DCC: variants seen among roughly 807,000 people sequenced by gnomAD.
The protein encoded by DCC is netrin receptor DCC.
A neutral mutation model predicts 172.5 loss-of-function variants in DCC; 58 were observed. The ratio of observed to expected loss-of-function variants is 0.34; its 90% CI spans 0.27 to 0.42. The LOEUF is 0.42. Ranked by LOEUF, DCC falls within the 10% of genes least tolerant of loss-of-function variation. The pLI, the probability that DCC is intolerant of heterozygous loss-of-function variation, is 1.00. For synonymous variants in DCC, 709 were observed against 644.5 expected (o/e 1.10, Z -1.52); for missense variants, 1,740 against 1,791.0 (o/e 0.97, Z 0.51).
intron 11 of DCC, among the ~76,000 whole-genome samples, chr18:53,209,531 A>G (rs1316523575): frequency 6.6e-6 from 1 of 152,210 alleles, no homozygotes; most frequent in Non-Finnish European, 1.5e-5. Context: ...TGTACATTTC[A>G]CACAATATCA....
chr18:53,486,895 C>G lies in DCC; in HGVS notation c.3835C>G (p.Leu1279Val). The G allele has an allele frequency of 6.2e-7, 1 of 1,614,206 alleles. No homozygotes were observed. Among genetic ancestry groups the G allele is most frequent in the South Asian group, 1.1e-5 (1 of 91,086 alleles). Residue 1279 changes from leucine to valine, a missense_variant, in exon 26 of 29, where the codon CTC (leucine) becomes GTC (valine). By Grantham distance (32) the Leu-to-Val change is conservative (BLOSUM62 1). Around this residue, in one of 2 missense-constraint regions of DCC, gnomAD observed 1,732 missense variants for 1,767.4 expected, o/e 0.98. Transcript: ENST00000442544. Reference protein sequence around the residue: ...TCGYPHPQFTLRPVPFPTLSV... With the variant: ...TCGYPHPQFTVRPVPFPTLSV... ...TGGATATCCCCACCCGCAGTTCACT[C>G]TCCGGCCTGTGCCATTCCCAACACT... is the stretch of plus-strand genomic sequence containing the variant.
intron 26 of DCC, among the ~76,000 whole-genome samples, chr18:53,489,066 GA>G (rs1474066405): frequency 0.013 from 1,776 of 133,064 alleles, 37 homozygotes; most frequent in African/African-American, 0.044. Flanking sequence ...GGCTGAGGCA[GA>G]AAAAAAAAAA....
intron 7 of DCC, among the ~76,000 whole-genome samples, chr18:53,154,676 G>A (rs756613558): frequency 4.5e-4 from 68 of 152,108 alleles, no homozygotes; most frequent in Non-Finnish European, 1.6e-4. Flanking sequence ...TTAATGAGAT[G>A]TTCAGGAGCG....
chr18:52,517,925 C>G (rs918672027), intron 1 of DCC, among the ~76,000 whole-genome samples: 2 of 152,106 alleles, frequency 1.3e-5, no homozygotes, highest in African/African-American at 4.8e-5. Flanking sequence ...GCATATTATT[C>G]TTTTAAATTA....
At chr18:52,345,898 TAAGA>T (rs1359166440) in intron 1 of DCC, among the ~76,000 whole-genome samples, 2 of 152,220 alleles carry the variant, frequency 1.3e-5, no homozygotes, top group African/African-American at 4.8e-5. Flanking sequence ...TCACAATCTT[TAAGA>T]GAGACAGGAG....
At position 52,557,851 on chromosome 18, in the gene DCC, G is replaced by A. The variant is rs550581793; in HGVS notation, c.92-194203G>A. 1.1e-4 allele frequency among the ~76,000 whole-genome samples: 17 copies of A among 152,244 alleles called. No individual in the cohort carries two copies. In the East Asian group the frequency reaches 3.3e-3, roughly 29 times the overall value. ...ATTTTGGTATTTTTGGTAGAGACTG[G>A]TTTTAGCCATGTTGGCTAGACTGGT... On this transcript the variant is annotated intron_variant, in intron 1 of 28. Coordinates refer to ENST00000442544, the MANE Select transcript of DCC (RefSeq NM_005215.4).
chr18:53,150,849 C>A (rs962324271), intron 7 of DCC, among the ~76,000 whole-genome samples: 1 of 152,336 alleles, frequency 6.6e-6, no homozygotes, highest in Non-Finnish European at 1.5e-5. Flanking sequence ...TCTCTGCACA[C>A]TCCTGAAACC....
At position 52,925,283 on chromosome 18, in the gene DCC, G is replaced by T. The variant is rs758939946; in HGVS notation, c.898G>T (p.Val300Leu). ...LGGSNLLISN[V>L]TDDDSGMYTC... ...TGGAAGCAACTTGCTTATCTCCAAT[G>T]TGACAGATGATGACAGTGGAATGTA... The change falls in exon 5 of 29, where the codon GTG becomes TTG. Residue 300 changes from valine to leucine, a missense_variant. Physicochemically the swap from Val to Leu is conservative, Grantham distance 32 (BLOSUM62 1). This residue lies in a region of DCC where 1,732 missense variants were observed against 1,767.4 expected (regional missense o/e 0.98). Coordinates refer to ENST00000442544, the MANE Select transcript of DCC (RefSeq NM_005215.4). The T allele has an allele frequency of 4.3e-6, 7 of 1,612,562 alleles. No homozygotes were observed. In the South Asian group the frequency reaches 4.4e-5, roughly 10 times the overall value.
At chr18:53,302,054 T>A (rs954590156) in intron 12 of DCC, among the ~76,000 whole-genome samples, 1 of 152,218 alleles carries the variant, frequency 6.6e-6, no homozygotes, top group African/African-American at 2.4e-5. Context: ...CTTCTTCTTG[T>A]GTCTTCACGT....
chr18:52,452,532 A>G (rs1238488119), intron 1 of DCC, among the ~76,000 whole-genome samples: 1 of 152,162 alleles, frequency 6.6e-6, no homozygotes, highest in Admixed American at 6.5e-5. Context: ...ACTCAGACTT[A>G]GCAAAACAGG....
At chr18:52,608,450 C>T (rs12455137) in intron 1 of DCC, among the ~76,000 whole-genome samples, 12,828 of 152,202 alleles carry the variant, frequency 0.084, 853 homozygotes, top group East Asian at 0.39. Context: ...AGAAGACGCT[C>T]TCTGAACCAA....
chr18:53,346,553 C>CAAT (rs1470392389), intron 15 of DCC, among the ~76,000 whole-genome samples: 2 of 151,700 alleles, frequency 1.3e-5, no homozygotes, highest in African/African-American at 4.8e-5. Flanking sequence ...TCCTTCATTA[C>CAAT]CTCTATCTCA....
intron 7 of DCC, among the ~76,000 whole-genome samples, chr18:53,102,508 G>T (rs1225321689): frequency 6.6e-6 from 1 of 151,964 alleles, no homozygotes; most frequent in African/African-American, 2.4e-5. Flanking sequence ...CTAATTTTTT[G>T]ATGTATATGT....
chr18:53,502,853 A>ATTTAT (rs1231665948), intron 27 of DCC, among the ~76,000 whole-genome samples: 1 of 151,430 alleles, frequency 6.6e-6, no homozygotes, highest in African/African-American at 2.4e-5. Flanking sequence ...TTTTTTTTAA[A>ATTTAT]TTTATTTTAT....
intron 1 of DCC, among the ~76,000 whole-genome samples, chr18:52,354,232 G>A (rs575768246): frequency 6.6e-6 from 1 of 152,258 alleles, no homozygotes; most frequent in Non-Finnish European, 1.5e-5. Flanking sequence ...AACTGGAATA[G>A]TTTGTCACTC....
Position 52,867,481 on chromosome 18 carries a change from A to T in DCC, c.413-38563A>T, listed in dbSNP as rs576045294. Among the ~76,000 whole-genome samples the T allele has an allele frequency of 5.3e-5, 8 of 151,610 alleles. No homozygotes were observed. In the East Asian group the frequency reaches 1.5e-3, roughly 29 times the overall value. The stretch of plus-strand genomic sequence containing the variant: ...ACCAGCTCCTCTTTTTACCTCTGGT[A>T]GAATTTGGCTGTGAATCCTCCTGGT... On this transcript the variant is annotated intron_variant, in intron 2 of 28. Transcript: ENST00000442544.
chr18:53,357,324 C>T (rs750510556), intron 15 of DCC, among the ~76,000 whole-genome samples: 2 of 151,994 alleles, frequency 1.3e-5, no homozygotes, highest in Non-Finnish European at 2.9e-5. Context: ...GAGAAATGAA[C>T]CTTTATAACT....
intron 5 of DCC, among the ~76,000 whole-genome samples, chr18:52,984,053 G>A (rs1421484020): frequency 6.6e-6 from 1 of 151,942 alleles, no homozygotes; most frequent in Non-Finnish European, 1.5e-5. Flanking sequence ...ACTCAAATGG[G>A]CCTGCATTTG....
At chr18:53,065,954 G>A in intron 6 of DCC, 92 bp from the exon 7 acceptor site, 1 of 1,493,036 alleles carries the variant, frequency 6.7e-7, no homozygotes, top group Non-Finnish European at 9.3e-7. Context: ...CTTCTGTGCT[G>A]TTTTATCAAA....
Sources: gnomAD v4.1 joint callset for allele counts (sites outside exome capture counted in the v4.1 genomes callset) on GRCh38, gnomAD v4.1.1 for gene constraint, gnomAD v4.1.1 regional missense constraint, MANE v1.5 for transcripts, NCBI Gene and HGNC (gene_info 2026-07-23, HGNC 2026-07-21) for gene names.